The following SHANK2 variants were observed in gnomAD, a reference collection of about 807,000 sequenced individuals.
SHANK2 encodes the protein SH3 and multiple ankyrin repeat domains 2, also known as SH3 and multiple ankyrin repeat domains protein 2.
A neutral mutation model predicts 133.7 loss-of-function variants in SHANK2; 43 were observed. That is an observed-to-expected ratio of 0.32 (90% CI 0.25 to 0.41). SHANK2 has a LOEUF of 0.41. Ranked by LOEUF, SHANK2 falls within the 10% of genes least tolerant of loss-of-function variation. The probability of loss-of-function intolerance (pLI) is 1.00; values close to 1 mark genes in which losing one functional copy is unlikely to be tolerated. For missense variants in SHANK2, 1,994 were observed against 2,235.8 expected, an observed-to-expected ratio of 0.89 and a Z score of 2.18; for synonymous variants, 1,017 against 952.8, an observed-to-expected ratio of 1.07 and a Z score of -1.24.
intron 17 of SHANK2, among the ~76,000 whole-genome samples, chr11:70,526,944 C>T (rs2059406548): frequency 2.6e-5 from 3 of 117,276 alleles, no homozygotes; most frequent in Non-Finnish European, 3.7e-5. Context: ...TCCCTGTCCT[C>T]GTCTCAGAGG....
At chr11:70,737,369 C>T (rs1946427189) in intron 14 of SHANK2, among the ~76,000 whole-genome samples, 2 of 152,198 alleles carry the variant, frequency 1.3e-5, no homozygotes, top group African/African-American at 4.8e-5. Flanking sequence ...ATGATCCTCA[C>T]CCATCAGGGT....
intron 17 of SHANK2, among the ~76,000 whole-genome samples, chr11:70,541,392 T>C (rs1387025756): frequency 4.6e-5 from 7 of 152,072 alleles, no homozygotes; most frequent in African/African-American, 1.7e-4. Flanking sequence ...ATCAAGAAAA[T>C]GGACAGCTGG....
intron 2 of SHANK2, among the ~76,000 whole-genome samples, chr11:71,155,965 A>T (rs2135446836): frequency 6.6e-6 from 1 of 152,336 alleles, no homozygotes; most frequent in East Asian, 1.9e-4. Context: ...GTGGGCCCTA[A>T]TGCAAGGCTG....
intron 14 of SHANK2, among the ~76,000 whole-genome samples, chr11:70,734,725 G>A (rs895697320): frequency 5.3e-5 from 8 of 152,206 alleles, no homozygotes; most frequent in Non-Finnish European, 8.8e-5. Context: ...CCTCAAGACC[G>A]AAGGGTGCTG....
intron 10 of SHANK2, among the ~76,000 whole-genome samples, chr11:70,952,013 A>G (rs1375831921): frequency 6.6e-6 from 1 of 152,270 alleles, no homozygotes; most frequent in East Asian, 1.9e-4. Context: ...ACAATATCAC[A>G]TTCACAGGTT....
intron 2 of SHANK2, among the ~76,000 whole-genome samples, chr11:71,186,996 G>A (rs372960072): frequency 3.1e-4 from 47 of 152,336 alleles, no homozygotes; most frequent in African/African-American, 1.1e-3. Flanking sequence ...AACACATGCC[G>A]CCAAGCGGAA....
rs185005283 is a variant in SHANK2, at chr11:70,547,354, G to C, written c.2062-44423C>G. Among the ~76,000 whole-genome samples, 5 of 152,238 alleles carry C rather than the reference G, an allele frequency of 3.3e-5. No homozygotes were observed. In the East Asian group the frequency reaches 9.7e-4, roughly 29 times the overall value. Reference sequence around the variant, plus strand: ...CGGCTCACTGCAACCTCCACCTCTTGGGTTCAAGCGATTCTCCTGCCTCTG... The same window carrying C: ...CGGCTCACTGCAACCTCCACCTCTTCGGTTCAAGCGATTCTCCTGCCTCTG... On this transcript the variant is annotated intron_variant, in intron 17 of 25. Coordinates refer to ENST00000601538, the MANE Select transcript of SHANK2 (RefSeq NM_012309.5).
At chr11:70,898,016 G>A (rs59723520) in intron 10 of SHANK2, among the ~76,000 whole-genome samples, 1,785 of 148,412 alleles carry the variant, frequency 0.012, 37 homozygotes, top group African/African-American at 0.043. Flanking sequence ...AGGCTGGAGT[G>A]CAGTGATGTG....
At chr11:70,697,914 G>A (rs1555022650) in intron 15 of SHANK2, among the ~76,000 whole-genome samples, 1 of 152,124 alleles carries the variant, frequency 6.6e-6, no homozygotes, top group East Asian at 1.9e-4. Flanking sequence ...TCACACACTG[G>A]CCCTTGTTGA....
intron 17 of SHANK2, among the ~76,000 whole-genome samples, chr11:70,610,737 G>C (rs980057791): frequency 6.6e-6 from 1 of 152,198 alleles, no homozygotes; most frequent in Non-Finnish European, 1.5e-5. Context: ...CACGGCATGG[G>C]GCTGGCGTGC....
intron 15 of SHANK2, among the ~76,000 whole-genome samples, chr11:70,671,537 C>T (rs1373714468): frequency 2.0e-5 from 3 of 152,230 alleles, no homozygotes; most frequent in African/African-American, 4.8e-5. Context: ...GAGAATGCAC[C>T]TTAGAACTTG....
intron 12 of SHANK2, among the ~76,000 whole-genome samples, chr11:70,808,393 G>A (rs1948208268): frequency 6.6e-6 from 1 of 151,510 alleles, no homozygotes; most frequent in African/African-American, 2.4e-5. Flanking sequence ...GTAGAGATGC[G>A]GTTTCACCAT....
chr11:70,552,376 C>T (rs1438946607), intron 17 of SHANK2, among the ~76,000 whole-genome samples: 1 of 152,184 alleles, frequency 6.6e-6, no homozygotes, highest in East Asian at 1.9e-4. Flanking sequence ...CACTCGTGCA[C>T]CAAGCTCAGG....
intron 7 of SHANK2, among the ~76,000 whole-genome samples, chr11:71,093,304 C>T (rs940440563): frequency 1.3e-5 from 2 of 152,144 alleles, no homozygotes; most frequent in Admixed American, 6.5e-5. Context: ...CACCTCATTC[C>T]GCACGCTGAG....
intron 2 of SHANK2, among the ~76,000 whole-genome samples, chr11:71,210,788 C>T (rs1315533112): frequency 3.3e-5 from 5 of 152,092 alleles, no homozygotes; most frequent in Admixed American, 3.3e-4. Context: ...AAACACACTC[C>T]ACACCTGGAC....
intron 17 of SHANK2, among the ~76,000 whole-genome samples, chr11:70,646,824 A>AT (rs782344560): frequency 8.5e-5 from 6 of 70,692 alleles, no homozygotes; most frequent in African/African-American, 3.3e-4. Flanking sequence ...TCTAACTTTT[A>AT]TTTATTTTAT....
chr11:71,210,977 CA>C lies in SHANK2; in HGVS notation c.-13+13719del, dbSNP rs1221246889. Among the ~76,000 whole-genome samples, 5 of 152,168 alleles carry C rather than the reference CA, an allele frequency of 3.3e-5. 1 individual carries two copies. The highest frequency in any genetic ancestry group is 7.3e-5 in the Non-Finnish European group (5 of 68,036). ...GAGAGGGCAGGGGTGTATTCCAGTT[CA>C]GTCCATCTGCACCGCTGACAGGATC... On this transcript the variant is annotated intron_variant, in intron 2 of 25. Coordinates refer to ENST00000601538, the MANE Select transcript of SHANK2 (RefSeq NM_012309.5).
intron 2 of SHANK2, among the ~76,000 whole-genome samples, chr11:71,201,437 C>T (rs921614960): frequency 5.5e-4 from 84 of 152,354 alleles, no homozygotes; most frequent in African/African-American, 1.9e-3. Context: ...GTGATCACCA[C>T]GCTGTGTCCA....
chr11:70,671,646 C>T (rs1241392489), intron 15 of SHANK2, among the ~76,000 whole-genome samples: 1 of 152,236 alleles, frequency 6.6e-6, no homozygotes, highest in Non-Finnish European at 1.5e-5. Context: ...CTTGGGTGTC[C>T]TTCCTTATGG....
Sources: allele counts gnomAD v4.1 joint callset (sites outside exome capture counted in the v4.1 genomes callset), GRCh38; gene constraint gnomAD v4.1.1; transcripts MANE v1.5; gene names NCBI Gene and HGNC (gene_info 2026-07-23, HGNC 2026-07-21).